Variants in DLGAP2 observed in about 807,000 individuals in gnomAD.
The protein encoded by DLGAP2 is DLG associated protein 2, also known as disks large-associated protein 2.
A neutral mutation model predicts 100.3 loss-of-function variants in DLGAP2; 26 were observed. The ratio of observed to expected loss-of-function variants is 0.26; its 90% CI spans 0.19 to 0.36. The LOEUF is 0.36. DLGAP2 is among the 10% of genes least tolerant of loss of function. The pLI, the probability that DLGAP2 is intolerant of heterozygous loss-of-function variation, is 1.00. For synonymous variants in DLGAP2, 886 were observed against 630.1 expected (o/e 1.41, Z -6.08); for missense variants, 1,858 against 1,453.2 (o/e 1.28, Z -4.53).
intron 3 of DLGAP2, among the ~76,000 whole-genome samples, chr8:1,416,520 C>T (rs1796888515): frequency 6.6e-6 from 1 of 152,194 alleles, no homozygotes; most frequent in Non-Finnish European, 1.5e-5. Flanking sequence ...GGAGTTCTAG[C>T]CCCGCTGAAT....
At position 1,697,295 on chromosome 8, in the gene DLGAP2, G is replaced by A. The variant is rs76783371; in HGVS notation, c.2945G>A (p.Arg982Lys). ...NDWKMMESPE[R>K]KEERKVPPPI... Reference sequence around the variant, plus strand: ...TGGAAGATGATGGAGTCCCCGGAAAGAAAGGTAAGGGCATCCATGCAGGGC... The same window carrying A: ...TGGAAGATGATGGAGTCCCCGGAAAAAAAGGTAAGGGCATCCATGCAGGGC... The change falls in exon 14 of 15, where the codon AGA becomes AAA. Residue 982 changes from arginine to lysine, a missense_variant. By Grantham distance (26) the Arg-to-Lys change is conservative. Coordinates refer to ENST00000637795, the MANE Select transcript of DLGAP2 (RefSeq NM_001346810.2). 8 of 1,603,584 alleles carry A rather than the reference G, an allele frequency of 5.0e-6. No homozygotes were observed. Among genetic ancestry groups the A allele is most frequent in the African/African-American group, 2.7e-5 (2 of 74,664 alleles).
At chr8:1,595,597 G>T (rs1563245543) in intron 6 of DLGAP2, among the ~76,000 whole-genome samples, 1 of 150,366 alleles carries the variant, frequency 6.7e-6, no homozygotes, top group Non-Finnish European at 1.5e-5. Context: ...AACCCGGGAA[G>T]CGGAGCTTGC....
intron 2 of DLGAP2, among the ~76,000 whole-genome samples, chr8:1,202,227 GT>G (rs1472379897): frequency 1.4e-5 from 2 of 142,362 alleles, no homozygotes; most frequent in African/African-American, 5.4e-5. Context: ...CATGTATTCT[GT>G]ATGTATAGAT....
At chr8:1,277,507 A>AG (rs1799727023) in intron 3 of DLGAP2, among the ~76,000 whole-genome samples, 1 of 152,178 alleles carries the variant, frequency 6.6e-6, no homozygotes, top group African/African-American at 2.4e-5. Context: ...CAGGAGAATT[A>AG]GAAAAAAAAA....
At chr8:1,483,856 C>G (rs566588572) in intron 3 of DLGAP2, among the ~76,000 whole-genome samples, 3 of 152,132 alleles carry the variant, frequency 2.0e-5, no homozygotes, top group Admixed American at 6.5e-5. Context: ...GGTTTGCTCA[C>G]AATTGTTCAT....
intron 4 of DLGAP2, among the ~76,000 whole-genome samples, chr8:1,510,812 G>T (rs1217349616): frequency 6.6e-6 from 1 of 152,272 alleles, no homozygotes; most frequent in South Asian, 2.1e-4. Flanking sequence ...AGTCCAGGAG[G>T]TCCACTCAAC....
intron 1 of DLGAP2, among the ~76,000 whole-genome samples, chr8:837,085 T>A (rs1796892854): frequency 6.6e-6 from 1 of 152,234 alleles, no homozygotes; most frequent in Non-Finnish European, 1.5e-5. Flanking sequence ...CATCTCCTGG[T>A]CAGGGTTAGG....
chr8:1,498,823 G>GA (rs1355335577), intron 3 of DLGAP2, among the ~76,000 whole-genome samples: 2 of 152,190 alleles, frequency 1.3e-5, no homozygotes, highest in African/African-American at 4.8e-5. Flanking sequence ...AATGTAGGCT[G>GA]AAAATACAAA....
chr8:1,359,846 G>C (rs547876336), intron 3 of DLGAP2, among the ~76,000 whole-genome samples: 1 of 152,328 alleles, frequency 6.6e-6, no homozygotes, highest in Admixed American at 6.5e-5. Flanking sequence ...TATAAGCCTT[G>C]CTAGATGAAG....
intron 3 of DLGAP2, among the ~76,000 whole-genome samples, chr8:1,278,289 C>A (rs1369397304): frequency 2.6e-5 from 4 of 152,180 alleles, no homozygotes; most frequent in Admixed American, 6.5e-5. Context: ...AAGATCTCTT[C>A]CAGTTGTAAG....
chr8:1,582,557 C>T (rs1231860919), intron 6 of DLGAP2, among the ~76,000 whole-genome samples: 2 of 151,548 alleles, frequency 1.3e-5, no homozygotes, highest in Admixed American at 1.3e-4. Context: ...GCTAGCAGAC[C>T]AGTACTGCAA....
intron 2 of DLGAP2, among the ~76,000 whole-genome samples, chr8:1,256,480 T>C (rs1242201829): frequency 3.3e-5 from 4 of 122,918 alleles, no homozygotes; most frequent in African/African-American, 1.8e-4. Flanking sequence ...CCTGCCTGGG[T>C]GCTGTGTGTG....
chr8:1,000,433 G>C (rs36150588), intron 2 of DLGAP2, among the ~76,000 whole-genome samples: 14,463 of 134,586 alleles, frequency 0.11, no homozygotes, highest in Non-Finnish European at 0.16. Flanking sequence ...AGAGCAGACA[G>C]ATCCGGGTGG....
chr8:913,301 T>C lies in DLGAP2; in HGVS notation c.73+5335T>C, dbSNP rs570000994. Among the ~76,000 whole-genome samples, 14 of 152,314 alleles carry C rather than the reference T, an allele frequency of 9.2e-5. No individual in the cohort carries two copies. The South Asian group carries it at 2.3e-3, about 25-fold the overall frequency. The stretch of plus-strand genomic sequence containing the variant: ...TGTTAGGAAAGGTTCTGTTTGATAA[T>C]TGTAAATCCCCTAGATTTCTTGGGA... On this transcript the variant is annotated intron_variant, in intron 2 of 14. Coordinates refer to ENST00000637795, the MANE Select transcript of DLGAP2 (RefSeq NM_001346810.2).
intron 2 of DLGAP2, among the ~76,000 whole-genome samples, chr8:1,153,477 C>G (rs62487484): frequency 0.14 from 20,996 of 152,138 alleles, 1,542 homozygotes; most frequent in East Asian, 0.23. Context: ...CGTGATTATA[C>G]GAAATCCTTT....
intron 3 of DLGAP2, among the ~76,000 whole-genome samples, chr8:1,289,217 A>G (rs1800004961): frequency 6.6e-6 from 1 of 152,198 alleles, no homozygotes; most frequent in African/African-American, 2.4e-5. Context: ...ATTCATCAAA[A>G]ACCATTTAAA....
intron 2 of DLGAP2, among the ~76,000 whole-genome samples, chr8:971,450 G>T (rs1800012708): frequency 6.6e-6 from 1 of 152,198 alleles, no homozygotes; most frequent in Non-Finnish European, 1.5e-5. Flanking sequence ...CCAGCAGATG[G>T]ATGCAGGAAT....
intron 2 of DLGAP2, among the ~76,000 whole-genome samples, chr8:1,033,883 C>T (rs368259843): frequency 1.5e-4 from 17 of 110,526 alleles, no homozygotes; most frequent in South Asian, 3.6e-4. Flanking sequence ...ATCCCGACCC[C>T]GCGTGTCACC....
intron 2 of DLGAP2, among the ~76,000 whole-genome samples, chr8:1,212,843 A>G (rs1228491524): frequency 7.3e-6 from 1 of 137,314 alleles, no homozygotes; most frequent in Non-Finnish European, 1.5e-5. Context: ...AATGACATGT[A>G]TATGTACTCA....
Sources: gnomAD v4.1 joint callset for allele counts (sites outside exome capture counted in the v4.1 genomes callset) on GRCh38, gnomAD v4.1.1 for gene constraint, MANE v1.5 for transcripts, NCBI Gene and HGNC (gene_info 2026-07-23, HGNC 2026-07-21) for gene names.